Variants in DCC observed in about 807,000 individuals in gnomAD.
The protein encoded by DCC is netrin receptor DCC.
A neutral mutation model predicts 172.5 loss-of-function variants in DCC; 58 were observed. That is an observed-to-expected ratio of 0.34 (90% CI 0.27 to 0.42). The LOEUF (loss-of-function observed/expected upper bound fraction) is 0.42, where lower values mean the gene tolerates loss of function less well. Among genes scored for constraint, DCC ranks in the 10% least tolerant of loss-of-function variants. The pLI, the probability that DCC is intolerant of heterozygous loss-of-function variation, is 1.00. For synonymous variants in DCC, 709 were observed against 644.5 expected (o/e 1.10, Z -1.52); for missense variants, 1,740 against 1,791.0 (o/e 0.97, Z 0.51).
chr18:52,931,079 A>G (rs2040300755), intron 5 of DCC, among the ~76,000 whole-genome samples: 1 of 151,968 alleles, frequency 6.6e-6, no homozygotes, highest in Non-Finnish European at 1.5e-5. Context: ...TGGACTTTAT[A>G]TCATTTATAA....
At chr18:52,418,858 C>CTTTTTTTT (rs11313758) in intron 1 of DCC, among the ~76,000 whole-genome samples, 19 of 93,012 alleles carry the variant, frequency 2.0e-4, no homozygotes, top group Non-Finnish European at 3.5e-4. Flanking sequence ...TTCTTTCTTT[C>CTTTTTTTT]TTTTTTTTTT....
intron 1 of DCC, among the ~76,000 whole-genome samples, chr18:52,358,769 G>A (rs939359216): frequency 6.6e-6 from 1 of 152,122 alleles, no homozygotes; most frequent in African/African-American, 2.4e-5. Context: ...ATCTTCACAT[G>A]TCTGGAAGTC....
intron 2 of DCC, among the ~76,000 whole-genome samples, chr18:52,809,814 G>T (rs901670317): frequency 6.6e-6 from 1 of 152,304 alleles, no homozygotes. Flanking sequence ...AATGCCTGGG[G>T]TTTATATCTC....
chr18:53,022,422 G>A (rs1384173888), intron 5 of DCC, among the ~76,000 whole-genome samples: 1 of 151,836 alleles, frequency 6.6e-6, no homozygotes, highest in South Asian at 2.1e-4. Flanking sequence ...AGCACTAAGG[G>A]TTAATTGCAA....
intron 1 of DCC, among the ~76,000 whole-genome samples, chr18:52,623,671 A>G (rs934472213): frequency 5.9e-5 from 9 of 152,156 alleles, no homozygotes; most frequent in Non-Finnish European, 1.5e-5. Context: ...TTTTCTAAAC[A>G]AGGTTATTCA....
intron 1 of DCC, among the ~76,000 whole-genome samples, chr18:52,700,407 A>G (rs1012803165): frequency 7.2e-5 from 11 of 151,816 alleles, no homozygotes; most frequent in African/African-American, 1.9e-4. Flanking sequence ...GCACACACAC[A>G]CGCACATGCA....
At chr18:52,526,270 A>AG (rs1273884057) in intron 1 of DCC, among the ~76,000 whole-genome samples, 1 of 152,186 alleles carries the variant, frequency 6.6e-6, no homozygotes, top group Non-Finnish European at 1.5e-5. Context: ...GCTTGGAGAA[A>AG]GAGGAACTAA....
At chr18:52,857,179 A>G (rs1369145908) in intron 2 of DCC, among the ~76,000 whole-genome samples, 5 of 152,250 alleles carry the variant, frequency 3.3e-5, no homozygotes, top group African/African-American at 1.2e-4. Context: ...TCTGGTAAAA[A>G]CAAACACTAA....
chr18:52,543,094 C>T (rs2032506419), intron 1 of DCC, among the ~76,000 whole-genome samples: 1 of 152,098 alleles, frequency 6.6e-6, no homozygotes, highest in Admixed American at 6.5e-5. Context: ...CCTGGGGAGG[C>T]TGAGTTCTTT....
intron 7 of DCC, among the ~76,000 whole-genome samples, chr18:53,138,984 C>T (rs2043790109): frequency 6.6e-6 from 1 of 152,164 alleles, no homozygotes; most frequent in Non-Finnish European, 1.5e-5. Context: ...GTACTATATA[C>T]ACTATGATTA....
At chr18:52,473,994 T>G (rs914985060) in intron 1 of DCC, among the ~76,000 whole-genome samples, 19 of 152,064 alleles carry the variant, frequency 1.2e-4, no homozygotes, top group Non-Finnish European at 2.9e-5. Context: ...TTTCTTTTTT[T>G]TTACTGCTCC....
chr18:52,732,998 G>C (rs924842195), intron 1 of DCC, among the ~76,000 whole-genome samples: 1 of 152,120 alleles, frequency 6.6e-6, no homozygotes, highest in Admixed American at 6.5e-5. Flanking sequence ...AAAATGCTAA[G>C]TCAATCTTCT....
chr18:53,476,469 T>C (rs1355378588), intron 25 of DCC, among the ~76,000 whole-genome samples: 1 of 152,196 alleles, frequency 6.6e-6, no homozygotes, highest in East Asian at 1.9e-4. Flanking sequence ...TGACAAGATC[T>C]GATGATTTTA....
At chr18:53,216,816 A>T (rs1201457263) in intron 12 of DCC, among the ~76,000 whole-genome samples, 1 of 152,158 alleles carries the variant, frequency 6.6e-6, no homozygotes, top group African/African-American at 2.4e-5. Context: ...TTAGTGGAAA[A>T]AATGAGCTAA....
chr18:53,122,231 G>A (rs2144291719), intron 7 of DCC, among the ~76,000 whole-genome samples: 1 of 152,092 alleles, frequency 6.6e-6, no homozygotes, highest in Non-Finnish European at 1.5e-5. Flanking sequence ...TGGTATAGTT[G>A]TGATGCTCAG....
At chr18:52,965,839 GGA>G (rs1417641022) in intron 5 of DCC, among the ~76,000 whole-genome samples, 4 of 152,178 alleles carry the variant, frequency 2.6e-5, no homozygotes, top group African/African-American at 9.6e-5. Flanking sequence ...TCTTTCCACT[GGA>G]TCCATTAGCT....
At chr18:52,363,903 T>G (rs17816329) in intron 1 of DCC, among the ~76,000 whole-genome samples, 1 of 152,072 alleles carries the variant, frequency 6.6e-6, no homozygotes. Flanking sequence ...CCAGATGTAC[T>G]CTCACCCAGT....
rs71175524 is a variant in DCC, at chr18:52,846,608, AACACACACAC to A, written c.413-59401_413-59392del. Reference sequence around the variant, plus strand: ...TCTATCTCCCCCTTCTGCCACTCCAAACACACACACACACACACACACACACACACACACA... The same window carrying A: ...TCTATCTCCCCCTTCTGCCACTCCAAACACACACACACACACACACACACA... On this transcript the variant is annotated intron_variant, in intron 2 of 28. Transcript: ENST00000442544. Among the ~76,000 whole-genome samples the A allele has an allele frequency of 6.2e-3, 813 of 130,586 alleles. 8 individuals are homozygous for A. The highest frequency in any genetic ancestry group is 0.012 in the African/African-American group (422 of 33,890). The allele number at this position is 130,586 out of a possible 152,430, so 85.7% of individuals were successfully genotyped here.
chr18:52,938,499 A>G (rs1421503152), intron 5 of DCC, among the ~76,000 whole-genome samples: 2 of 152,156 alleles, frequency 1.3e-5, no homozygotes, highest in Non-Finnish European at 2.9e-5. Context: ...TAAAAATACT[A>G]CAGACTTTCT....
Sources: allele counts gnomAD v4.1 joint callset (sites outside exome capture counted in the v4.1 genomes callset), GRCh38; gene constraint gnomAD v4.1.1; transcripts MANE v1.5; gene names NCBI Gene and HGNC (gene_info 2026-07-23, HGNC 2026-07-21).